The following PBRM1 variants were observed in gnomAD, a reference collection of about 807,000 sequenced individuals.
PBRM1 encodes the protein protein polybromo-1.
In PBRM1, 27 loss-of-function variants were observed where a neutral mutation model predicts 194.5. The ratio of observed to expected loss-of-function variants is 0.14; its 90% CI spans 0.10 to 0.19. The LOEUF (loss-of-function observed/expected upper bound fraction) is 0.19, where lower values mean the gene tolerates loss of function less well. PBRM1 is among the 10% of genes least tolerant of loss of function. PBRM1 has a pLI of 1.00. For missense variants in PBRM1, 1,466 were observed against 2,077.2 expected (o/e 0.71, Z 5.72); for synonymous variants, 655 against 693.2 (o/e 0.94, Z 0.87).
chr3:52,632,882 CG>C (rs1470325776), intron 11 of PBRM1, among the ~76,000 whole-genome samples: 1 of 151,890 alleles, frequency 6.6e-6, no homozygotes, highest in Non-Finnish European at 1.5e-5. Flanking sequence ...TTAATGGAGA[CG>C]GGGTTTCACA....
chr3:52,645,089 A>T (rs2096249452), intron 7 of PBRM1, among the ~76,000 whole-genome samples: 1 of 152,194 alleles, frequency 6.6e-6, no homozygotes, highest in African/African-American at 2.4e-5. Flanking sequence ...TCCGTGGAGG[A>T]TACATTCCAA....
chr3:52,620,574 T>C (rs939674191), intron 13 of PBRM1, among the ~76,000 whole-genome samples: 9 of 152,196 alleles, frequency 5.9e-5, no homozygotes, highest in African/African-American at 2.2e-4. Context: ...GGCAGATTTT[T>C]ATAAGAGGAG....
Position 52,558,163 on chromosome 3 carries a change from A to C in PBRM1, c.4453+86T>G. On this transcript the variant is annotated intron_variant, in intron 26 of 29. Coordinates refer to ENST00000296302, the Ensembl canonical transcript of PBRM1. ...TGAATCTGTCATGAGAAAAGGCAAT[A>C]GACTGTGGCCTACTCCTTATTGGAG... is the stretch of plus-strand genomic sequence containing the variant. 4.3e-6 allele frequency: 4 copies of C among 938,062 alleles called. No individual in the cohort carries two copies. In the South Asian group the frequency reaches 5.5e-5, roughly 13 times the overall value. The allele number at this position is 938,062 out of a possible 1,614,324, so 58.1% of individuals were successfully genotyped here.
chr3:52,660,841 TA>T (rs2096709356), intron 4 of PBRM1, among the ~76,000 whole-genome samples: 1 of 151,990 alleles, frequency 6.6e-6, no homozygotes, highest in Non-Finnish European at 1.5e-5. Flanking sequence ...CTCTAAGAAG[TA>T]ATTGTATTTT....
At chr3:52,623,391 C>A (rs141524834) in intron 13 of PBRM1, among the ~76,000 whole-genome samples, 3 of 152,374 alleles carry the variant, frequency 2.0e-5, no homozygotes, top group East Asian at 3.9e-4. Context: ...TTAGCTCCCC[C>A]ACCTTAAGAG....
At chr3:52,566,739 T>C (rs770603291) in intron 22 of PBRM1, among the ~76,000 whole-genome samples, 18 of 152,204 alleles carry the variant, frequency 1.2e-4, no homozygotes, top group Non-Finnish European at 2.2e-4. Context: ...ACAGTGGTGA[T>C]AGCTGTACGG....
chr3:52,583,619 C>A lies in PBRM1; in HGVS notation c.3387+2806G>T, dbSNP rs189802967. 2.5e-3 allele frequency among the ~76,000 whole-genome samples: 381 copies of A among 152,132 alleles called. 6 individuals are homozygous for A. The highest frequency in any genetic ancestry group is 8.8e-3 in the African/African-American group (363 of 41,484). On this transcript the variant is annotated intron_variant, in intron 20 of 29. Coordinates refer to ENST00000296302, the Ensembl canonical transcript of PBRM1. ...TCATTTTTGTAGTCCTACTTTCCCC[C>A]CTAGACCCTAAAGAGCTCTTTGTAT...
At chr3:52,561,029 G>A (rs989510025) in intron 25 of PBRM1, among the ~76,000 whole-genome samples, 1 of 151,980 alleles carries the variant, frequency 6.6e-6, no homozygotes, top group Non-Finnish European at 1.5e-5. Context: ...AAGGGCAACA[G>A]TACTGCCTAA....
chr3:52,611,191 A>C (rs1256892415), intron 15 of PBRM1, among the ~76,000 whole-genome samples: 2 of 151,968 alleles, frequency 1.3e-5, no homozygotes, highest in Non-Finnish European at 1.5e-5. Flanking sequence ...AGACACACAC[A>C]AAAAAAACAC....
rs141985360 is a variant in PBRM1 at position 52,558,085 on chromosome 3, G to A, written c.4453+164C>T. 4.0e-3 allele frequency among the ~76,000 whole-genome samples: 612 copies of A among 152,284 alleles called. 3 individuals carry two copies. Among genetic ancestry groups the A allele is most frequent in the South Asian group, 0.023 (109 of 4,820 alleles). On this transcript the variant is annotated intron_variant, in intron 26 of 29. Coordinates refer to ENST00000296302, the Ensembl canonical transcript of PBRM1. ...GGCCCATTTCTGGGGCAGAAGGGAG[G>A]CATTGCCCATATGGGAAAGGCAATA... is the stretch of plus-strand genomic sequence containing the variant.
intron 19 of PBRM1, among the ~76,000 whole-genome samples, chr3:52,587,005 G>C (rs1200105588): frequency 1.3e-5 from 2 of 151,916 alleles, no homozygotes; most frequent in Non-Finnish European, 2.9e-5. Context: ...AAGAGGGCTT[G>C]TGTGTGTGTA....
chr3:52,557,372 T>C (rs1357120905), intron 26 of PBRM1, among the ~76,000 whole-genome samples: 1 of 152,198 alleles, frequency 6.6e-6, no homozygotes, highest in Non-Finnish European at 1.5e-5. Context: ...AAGCCTGCCT[T>C]GAACAACACT....
chr3:52,607,349 G>A (rs1277615567), intron 16 of PBRM1, among the ~76,000 whole-genome samples: 5 of 151,988 alleles, frequency 3.3e-5, no homozygotes, highest in African/African-American at 1.2e-4. Context: ...TGGGCATGAG[G>A]GTAAAACTGT....
chr3:52,678,545 T>G, exon 2 of PBRM1: 1 of 1,613,770 alleles, frequency 6.2e-7, no homozygotes. Context: ...AAGTCTGCCC[T>G]GTTCATCCTT....
chr3:52,631,873 A>G (rs1177403158), intron 11 of PBRM1, among the ~76,000 whole-genome samples: 2 of 152,238 alleles, frequency 1.3e-5, no homozygotes, highest in Non-Finnish European at 2.9e-5. Flanking sequence ...ATGTACAGGT[A>G]ATATCAAAAT....
chr3:52,680,902 G>A (rs186017615), upstream of PBRM1, among the ~76,000 whole-genome samples: 14 of 151,556 alleles, frequency 9.2e-5, no homozygotes, highest in East Asian at 1.8e-3. Flanking sequence ...CTCGTGATCC[G>A]CCCGTCAAAG....
At chr3:52,581,335 C>A (rs1576042540) in intron 20 of PBRM1, among the ~76,000 whole-genome samples, 1 of 152,134 alleles carries the variant, frequency 6.6e-6, no homozygotes, top group East Asian at 1.9e-4. Context: ...CATGGTAAAA[C>A]CCCATCTCTA....
At chr3:52,566,006 C>T (rs1182097810) in intron 22 of PBRM1, among the ~76,000 whole-genome samples, 2 of 151,982 alleles carry the variant, frequency 1.3e-5, no homozygotes, top group African/African-American at 2.4e-5. Flanking sequence ...GCCGAGATTG[C>T]GCCACTGCAC....
At chr3:52,581,662 G>A (rs1049945161) in intron 20 of PBRM1, among the ~76,000 whole-genome samples, 4 of 149,330 alleles carry the variant, frequency 2.7e-5, no homozygotes, top group African/African-American at 7.4e-5. Context: ...TTTTTGATAC[G>A]GAGTCTCCCT....
Sources: allele counts gnomAD v4.1 joint callset (sites outside exome capture counted in the v4.1 genomes callset), GRCh38; gene constraint gnomAD v4.1.1; transcripts MANE v1.5; gene names NCBI Gene and HGNC (gene_info 2026-07-23, HGNC 2026-07-21).